The following TFDP2 variants were observed in gnomAD, a reference collection of about 807,000 sequenced individuals.
TFDP2 encodes the protein transcription factor Dp-2 (E2F dimerization partner 2).
A neutral mutation model predicts 59.3 loss-of-function variants in TFDP2; 17 were observed. The observed-to-expected ratio is 0.29, with a 90% CI of 0.20 to 0.43. TFDP2 has a LOEUF of 0.43. Ranked by LOEUF, TFDP2 falls within the 20% of genes least tolerant of loss-of-function variation. The probability of loss-of-function intolerance (pLI) is 1.00; values close to 1 mark genes in which losing one functional copy is unlikely to be tolerated. For synonymous variants in TFDP2, 180 were observed against 194.7 expected, an observed-to-expected ratio of 0.92 and a Z score of 0.63; for missense variants, 391 against 528.8, an observed-to-expected ratio of 0.74 and a Z score of 2.56.
At chr3:142,048,058 T>C (rs1025918704) in intron 3 of TFDP2, among the ~76,000 whole-genome samples, 2 of 152,116 alleles carry the variant, frequency 1.3e-5, no homozygotes, top group African/African-American at 4.8e-5. Context: ...TGCTAATTAT[T>C]AGACACTTTC....
intron 8 of TFDP2, among the ~76,000 whole-genome samples, chr3:141,971,144 T>A (rs528803867): frequency 6.6e-6 from 1 of 151,966 alleles, no homozygotes; most frequent in African/African-American, 2.4e-5. Flanking sequence ...TGATAACTAC[T>A]CAGAGAAAAC....
At chr3:142,111,097 G>T (rs953165255) in intron 1 of TFDP2, among the ~76,000 whole-genome samples, 2 of 152,122 alleles carry the variant, frequency 1.3e-5, no homozygotes, top group Non-Finnish European at 2.9e-5. Flanking sequence ...ACTACTTAAT[G>T]ACAGTCACTA....
chr3:141,952,914 G>T lies in TFDP2; in HGVS notation c.1154C>A (p.Ser385Ter), dbSNP rs1159879621. The change falls in exon 12 of 13, where the codon TCA becomes TAA. Residue 385 changes from serine (S) to a stop codon, truncating the protein, a stop_gained. Coordinates refer to ENST00000489671, the MANE Select transcript of TFDP2 (RefSeq NM_001178139.2). LOFTEE classifies it high-confidence loss of function. ...TAACCCTGAAAAAAATACGTACCTT[G>T]ACTGGGGTAAGGTGGCACCAGTGGT... Reference protein sequence around the residue: ...DLTTGATLPQSSVNQGLCLDA... With the variant: ...DLTTGATLPQ The T allele has an allele frequency of 1.9e-6, 3 of 1,613,410 alleles. No individual in the cohort carries two copies. Among genetic ancestry groups the T allele is most frequent in the South Asian group, 2.2e-5 (2 of 91,008 alleles).
rs550119415 is a variant in TFDP2, at chr3:141,946,950, C to G, written c.*5563G>C. The G allele has an allele frequency of 1.3e-5, 2 of 152,264 alleles. No homozygotes were observed. Among genetic ancestry groups the G allele is most frequent in the Non-Finnish European group, 2.9e-5 (2 of 68,136 alleles). 9.4% of individuals were successfully genotyped at this position (152,264 alleles called of 1,614,324 possible). A position where few individuals can be genotyped will look rare whatever the true frequency, so the allele number is the denominator to read the frequency against. On this transcript the variant is annotated 3_prime_UTR_variant, in exon 13 of 13. Transcript: ENST00000489671. ...GGCTGAGGCAGAAGAATCGCTTGAA[C>G]CCGGGAGGCAGAGGTTGCAGTGGCT...
At chr3:142,063,765 A>T (rs1462917264) in intron 3 of TFDP2, among the ~76,000 whole-genome samples, 1 of 152,162 alleles carries the variant, frequency 6.6e-6, no homozygotes, top group African/African-American at 2.4e-5. Context: ...AAAGCAAAAG[A>T]TCCACTGTCG....
At position 141,978,564 on chromosome 3, in the gene TFDP2, C is replaced by A; in HGVS notation, c.475G>T (p.Val159Leu). ...TSYNEVADEL[V>L]SEFTNSNNHL... Reference sequence around the variant, plus strand: ...TTATTTGAATTGGTGAACTCTGACACCAGCTCATCAGCGACTTCATTGTAC... The same window carrying A: ...TTATTTGAATTGGTGAACTCTGACAACAGCTCATCAGCGACTTCATTGTAC... Residue 159 changes from valine (V) to leucine (L), a missense_variant, in exon 7 of 13, where the codon GTG (valine) becomes TTG (leucine). Physicochemically the swap from Val to Leu is conservative, Grantham distance 32. Around this residue, in one of 3 missense-constraint regions of TFDP2, gnomAD observed 162 missense variants for 206.8 expected, o/e 0.78. Coordinates refer to ENST00000489671, the MANE Select transcript of TFDP2 (RefSeq NM_001178139.2). The A allele has an allele frequency of 6.2e-7, 1 of 1,612,688 alleles. No individual in the cohort carries two copies. Among genetic ancestry groups the A allele is most frequent in the Non-Finnish European group, 8.5e-7 (1 of 1,179,664 alleles).
At chr3:142,028,464 T>G in intron 3 of TFDP2, 1 of 694,142 alleles carries the variant, frequency 1.4e-6, no homozygotes, top group Non-Finnish European at 1.8e-6. Context: ...AAGGACGTCT[T>G]GAAATCAGCG....
chr3:142,066,524 AT>A (rs1406577650), intron 3 of TFDP2, among the ~76,000 whole-genome samples: 2 of 152,216 alleles, frequency 1.3e-5, no homozygotes, highest in Non-Finnish European at 2.9e-5. Context: ...CATGTAATTT[AT>A]TGAATACTGT....
At chr3:142,146,594 G>T (rs2063186282) in intron 1 of TFDP2, among the ~76,000 whole-genome samples, 1 of 152,150 alleles carries the variant, frequency 6.6e-6, no homozygotes, top group South Asian at 2.1e-4. Context: ...AAGTAACAGT[G>T]TAATGTGGTT....
chr3:141,959,560 G>T, intron 11 of TFDP2, 114 bp downstream of exon 11: 1 of 1,138,424 alleles, frequency 8.8e-7, no homozygotes, highest in Non-Finnish European at 1.3e-6. Context: ...GTTTCAGTTT[G>T]TCGACACAAG....
chr3:142,016,621 T>C (rs1165077332), intron 3 of TFDP2, among the ~76,000 whole-genome samples: 1 of 152,284 alleles, frequency 6.6e-6, no homozygotes, highest in South Asian at 2.1e-4. Context: ...TTTTAGTAAA[T>C]GTTTGTATAA....
chr3:142,100,318 T>C (rs1319774285), intron 2 of TFDP2, among the ~76,000 whole-genome samples: 2 of 152,186 alleles, frequency 1.3e-5, no homozygotes, highest in Non-Finnish European at 2.9e-5. Flanking sequence ...TGCCAGAGGC[T>C]CCTCCTAAGG....
chr3:142,016,034 T>TGAG (rs977741542), intron 3 of TFDP2, among the ~76,000 whole-genome samples: 1 of 152,194 alleles, frequency 6.6e-6, no homozygotes, highest in African/African-American at 2.4e-5. Context: ...TCCTTAGAGA[T>TGAG]GGAGTCTTGC....
At chr3:142,102,909 C>A (rs1469677116) in intron 1 of TFDP2, among the ~76,000 whole-genome samples, 1 of 152,102 alleles carries the variant, frequency 6.6e-6, no homozygotes, top group Admixed American at 6.5e-5. Flanking sequence ...TCATGAATGG[C>A]AAAGAAAGGC....
At chr3:142,098,222 A>C (rs1353927404) in intron 2 of TFDP2, among the ~76,000 whole-genome samples, 2 of 151,262 alleles carry the variant, frequency 1.3e-5, no homozygotes, top group Admixed American at 1.3e-4. Flanking sequence ...TTTTTCCATA[A>C]TGAGTATTAC....
intron 2 of TFDP2, among the ~76,000 whole-genome samples, chr3:142,097,263 T>C (rs577609687): frequency 3.3e-5 from 5 of 152,310 alleles, no homozygotes; most frequent in South Asian, 4.1e-4. Flanking sequence ...AGTAATTTCA[T>C]AGAATTTTTC....
At chr3:142,067,625 A>C (rs572270814) in intron 3 of TFDP2, among the ~76,000 whole-genome samples, 1 of 152,300 alleles carries the variant, frequency 6.6e-6, no homozygotes, top group South Asian at 2.1e-4. Flanking sequence ...AACTGATTCT[A>C]AAATTTATAT....
intron 3 of TFDP2, among the ~76,000 whole-genome samples, chr3:142,042,636 T>TTC (rs1174944682): frequency 6.9e-6 from 1 of 145,572 alleles, no homozygotes; most frequent in Non-Finnish European, 1.5e-5. Context: ...TTTTCTTTTT[T>TTC]TTTTTTTTTT....
At chr3:141,966,854 T>C (rs1938149956) in intron 9 of TFDP2, among the ~76,000 whole-genome samples, 1 of 149,870 alleles carries the variant, frequency 6.7e-6, no homozygotes, top group Non-Finnish European at 1.5e-5. Context: ...CATGAGTGAG[T>C]TGTGACATGA....
Sources: gnomAD v4.1 joint callset for allele counts (sites outside exome capture counted in the v4.1 genomes callset) on GRCh38, gnomAD v4.1.1 for gene constraint, gnomAD v4.1.1 regional missense constraint, MANE v1.5 for transcripts, NCBI Gene and HGNC (gene_info 2026-07-23, HGNC 2026-07-21) for gene names.